Variants in KIRREL3 observed in about 807,000 individuals in gnomAD.
KIRREL3 encodes the protein kin of IRRE-like protein 3.
A neutral mutation model predicts 89.7 loss-of-function variants in KIRREL3; 36 were observed. That is an observed-to-expected ratio of 0.40 (90% CI 0.31 to 0.53). The LOEUF (loss-of-function observed/expected upper bound fraction) is 0.53, where lower values mean the gene tolerates loss of function less well. KIRREL3 is among the 20% of genes least tolerant of loss of function. KIRREL3 has a pLI of 0.49. For missense variants in KIRREL3, 864 were observed against 1,056.6 expected, an observed-to-expected ratio of 0.82 and a Z score of 2.53; for synonymous variants, 445 against 441.4, an observed-to-expected ratio of 1.01 and a Z score of -0.10.
intron 1 of KIRREL3, among the ~76,000 whole-genome samples, chr11:126,577,592 C>CAAAAAA (rs61210940): frequency 1.7e-5 from 2 of 115,970 alleles, no homozygotes; most frequent in African/African-American, 3.4e-5. Context: ...ACTAAAAATA[C>CAAAAAA]AAAAAAAAAA....
rs766842175 is a variant in KIRREL3, at chr11:126,424,602, C to T, written c.2315G>A (p.Arg772Gln). Residue 772 changes from arginine (R) to glutamine (Q), a missense_variant, in exon 17 of 17, where the codon CGG (arginine) becomes CAG (glutamine). Physicochemically the swap from Arg to Gln is conservative, Grantham distance 43. Transcript: ENST00000525144. ...QNSDPSRPLQ[R>Q]RMQTHV ...TCCTTAGACGTGAGTCTGCATCCGC[C>T]GCTGCAGGGGTCGACTGGGGTCAGA... is the stretch of plus-strand genomic sequence containing the variant. 17 of 1,613,844 alleles carry T rather than the reference C, an allele frequency of 1.1e-5. No homozygotes were observed. Among genetic ancestry groups the T allele is most frequent in the Admixed American group, 5.0e-5 (3 of 60,000 alleles).
rs939373815 is a variant in KIRREL3 at position 126,588,000 on chromosome 11, G to T, written c.56-25088C>A. ...CTGGAAGACTCAGATCTAGGGCTCG[G>T]GGGAAAGCATTGGGCCATGAGGTAG... On this transcript the variant is annotated intron_variant, in intron 1 of 16. Coordinates refer to ENST00000525144, the MANE Select transcript of KIRREL3 (RefSeq NM_032531.4). This position sits in a 1 kb window ranked among gnomAD's most constrained non-coding sequence, Gnocchi z 5.2. 6.6e-6 allele frequency among the ~76,000 whole-genome samples: 1 copy of T among 152,184 alleles called. No homozygotes were observed. The highest frequency in any genetic ancestry group is 1.5e-5 in the Non-Finnish European group (1 of 68,042).
In KIRREL3 at chr11:126,515,148, G is replaced by A. The variant is rs922648742; in HGVS notation, c.433+6167C>T. On this transcript the variant is annotated intron_variant, in intron 4 of 16. Coordinates refer to ENST00000525144, the MANE Select transcript of KIRREL3 (RefSeq NM_032531.4). This position sits in a 1 kb window ranked among gnomAD's most constrained non-coding sequence, Gnocchi z 4.2. ...ATCAAGGTGCATAAGGAGGCTGGGC[G>A]CGATGGCTCACGCCTGTAATCTCAG... Among the ~76,000 whole-genome samples, 3 of 152,172 alleles carry A rather than the reference G, an allele frequency of 2.0e-5. No homozygotes were observed. The highest frequency in any genetic ancestry group is 1.9e-4 in the East Asian group (1 of 5,190).
intron 1 of KIRREL3, among the ~76,000 whole-genome samples, chr11:126,775,249 G>A (rs576122364): frequency 2.0e-5 from 3 of 152,180 alleles, no homozygotes; most frequent in Non-Finnish European, 4.4e-5. Flanking sequence ...TTAAGGAGTT[G>A]ATCGATTTAA....
At chr11:126,514,849 CAACACAACACAACACAACAA>C (rs142085218) in intron 4 of KIRREL3, among the ~76,000 whole-genome samples, 21,518 of 148,646 alleles carry the variant, frequency 0.14, 1,612 homozygotes, top group Admixed American at 0.17. Flanking sequence ...CAACACAACA[CAACACAACACAACACAACAA>C]AACACAATTG....
rs1010298978 is a variant in KIRREL3, at chr11:126,991,388, G to A, written c.55+9067C>T. Among the ~76,000 whole-genome samples the A allele has an allele frequency of 5.3e-5, 8 of 152,108 alleles. No individual in the cohort carries two copies. Among genetic ancestry groups the A allele is most frequent in the African/African-American group, 1.9e-4 (8 of 41,404 alleles). On this transcript the variant is annotated intron_variant, in intron 1 of 16. Transcript: ENST00000525144. The surrounding 1 kb of genome is among the most constrained non-coding windows in gnomAD (Gnocchi z 5.8). ...CAGCCTTCTATGTGCCCAATAGTGT[G>A]CTAGACACCAGGGGTGATAAAAGAC...
rs1948620954 is a variant in KIRREL3, at chr11:126,946,403, C to T, written c.55+54052G>A. Among the ~76,000 whole-genome samples the T allele has an allele frequency of 6.6e-6, 1 of 152,144 alleles. No homozygotes were observed. The highest frequency in any genetic ancestry group is 1.5e-5 in the Non-Finnish European group (1 of 68,028). On this transcript the variant is annotated intron_variant, in intron 1 of 16. Transcript: ENST00000525144. The surrounding 1 kb of genome is among the most constrained non-coding windows in gnomAD (Gnocchi z 4.1). ...CATTGGATCACCTTACTCAAACCAC[C>T]TTGGCCTCAGCTTCTTCATTAATAA...
At chr11:126,833,674 G>A (rs907868720) in intron 1 of KIRREL3, among the ~76,000 whole-genome samples, 7 of 152,128 alleles carry the variant, frequency 4.6e-5, no homozygotes, top group African/African-American at 1.4e-4. Flanking sequence ...TTTAGCCCCC[G>A]AGTGCTGCAT....
At chr11:126,821,607 A>G (rs920546967) in intron 1 of KIRREL3, among the ~76,000 whole-genome samples, 12 of 151,956 alleles carry the variant, frequency 7.9e-5, no homozygotes, top group Non-Finnish European at 1.0e-4. Flanking sequence ...GAATGTGTGA[A>G]TGTGAATGTG....
At chr11:126,518,692 C>A (rs1958493879) in intron 4 of KIRREL3, among the ~76,000 whole-genome samples, 1 of 152,234 alleles carries the variant, frequency 6.6e-6, no homozygotes, top group Non-Finnish European at 1.5e-5. Flanking sequence ...AGCAGAAATA[C>A]CTCTCTCCCA....
At chr11:126,757,825 T>G (rs975789579) in intron 1 of KIRREL3, among the ~76,000 whole-genome samples, 3 of 152,124 alleles carry the variant, frequency 2.0e-5, no homozygotes, top group Non-Finnish European at 2.9e-5. Flanking sequence ...TAGTCAAGGA[T>G]CTCCACCTCT....
At chr11:126,500,171 G>A (rs1454579130) in intron 4 of KIRREL3, among the ~76,000 whole-genome samples, 1 of 152,216 alleles carries the variant, frequency 6.6e-6, no homozygotes, top group African/African-American at 2.4e-5. Flanking sequence ...GTCGGAGTAC[G>A]ATTAGGTGGA....
rs1463562475 is a variant in KIRREL3 at position 126,489,663 on chromosome 11, C to T, written c.434-16197G>A. Reference sequence around the variant, plus strand: ...TCCTGAGACCTTGGACGTGCCCCTTCCCCTCTGCATTCCCCACTCTCCACC... The same window carrying T: ...TCCTGAGACCTTGGACGTGCCCCTTTCCCTCTGCATTCCCCACTCTCCACC... On this transcript the variant is annotated intron_variant, in intron 4 of 16. Transcript: ENST00000525144. The surrounding 1 kb of genome is among the most constrained non-coding windows in gnomAD (Gnocchi z 5.5). Among the ~76,000 whole-genome samples, 2 of 152,118 alleles carry T rather than the reference C, an allele frequency of 1.3e-5. No individual in the cohort carries two copies. The highest frequency in any genetic ancestry group is 2.9e-5 in the Non-Finnish European group (2 of 68,018).
rs747711613 is a variant in KIRREL3, at chr11:126,987,531, G to A, written c.55+12924C>T. On this transcript the variant is annotated intron_variant, in intron 1 of 16. Coordinates refer to ENST00000525144, the MANE Select transcript of KIRREL3 (RefSeq NM_032531.4). This position sits in a 1 kb window ranked among gnomAD's most constrained non-coding sequence, Gnocchi z 4.6. The stretch of plus-strand genomic sequence containing the variant: ...GTATTCAGCTGTTTTCACCTGTAAA[G>A]TATGGATTTCTCTCTGCAAAAACCT... Among the ~76,000 whole-genome samples, 5 of 152,148 alleles carry A rather than the reference G, an allele frequency of 3.3e-5. No individual in the cohort carries two copies. The highest frequency in any genetic ancestry group is 1.2e-4 in the African/African-American group (5 of 41,426).
At position 126,796,438 on chromosome 11, in the gene KIRREL3, C is replaced by G. The variant is rs539517950; in HGVS notation, c.55+204017G>C. 6.6e-6 allele frequency among the ~76,000 whole-genome samples: 1 copy of G among 152,052 alleles called. No individual in the cohort carries two copies. The highest frequency in any genetic ancestry group is 1.5e-5 in the Non-Finnish European group (1 of 68,014). On this transcript the variant is annotated intron_variant, in intron 1 of 16. Transcript: ENST00000525144. The surrounding 1 kb of genome is among the most constrained non-coding windows in gnomAD (Gnocchi z 5.1). ...TGGAGGAAGGCTGAAGGAGGGGACG[C>G]GCAGTTGTGGGTAACTGGCCTTCAC...
rs569346289 is a variant in KIRREL3, at chr11:126,516,935, G to C, written c.433+4380C>G. On this transcript the variant is annotated intron_variant, in intron 4 of 16. Transcript: ENST00000525144. The surrounding 1 kb of genome is among the most constrained non-coding windows in gnomAD (Gnocchi z 4.9). Reference sequence around the variant, plus strand: ...TGGCTAAAAATACAAAAATTAGCCAGGCGTGGTGGCACGTGCCTGTAATCC... The same window carrying C: ...TGGCTAAAAATACAAAAATTAGCCACGCGTGGTGGCACGTGCCTGTAATCC... 6.6e-6 allele frequency among the ~76,000 whole-genome samples: 1 copy of C among 152,262 alleles called. No individual in the cohort carries two copies. The highest frequency in any genetic ancestry group is 6.5e-5 in the Admixed American group (1 of 15,288).
Position 126,703,643 on chromosome 11 carries a change from A to G in KIRREL3, c.56-140731T>C, listed in dbSNP as rs1947401249. Among the ~76,000 whole-genome samples the G allele has an allele frequency of 6.6e-6, 1 of 152,232 alleles. No individual in the cohort carries two copies. The highest frequency in any genetic ancestry group is 6.5e-5 in the Admixed American group (1 of 15,290). The stretch of plus-strand genomic sequence containing the variant: ...CTAAGTTCACACTTTGTCTTCATTC[A>G]TGATACAAAAGAGATGTCTGTTTTC... On this transcript the variant is annotated intron_variant, in intron 1 of 16. Transcript: ENST00000525144. This position sits in a 1 kb window ranked among gnomAD's most constrained non-coding sequence, Gnocchi z 4.6.
rs932409048 is a variant in KIRREL3, at chr11:126,830,606, G to A, written c.55+169849C>T. On this transcript the variant is annotated intron_variant, in intron 1 of 16. Coordinates refer to ENST00000525144, the MANE Select transcript of KIRREL3 (RefSeq NM_032531.4). The surrounding 1 kb of genome is among the most constrained non-coding windows in gnomAD (Gnocchi z 4.9). ...TCTCTTAGTGTTTCGATTTTAGAGCGGCTGTTAAGAGCCAGCTAAGCAGGG... is the reference window on the plus strand; with the variant it reads ...TCTCTTAGTGTTTCGATTTTAGAGCAGCTGTTAAGAGCCAGCTAAGCAGGG... Among the ~76,000 whole-genome samples, 2 of 152,140 alleles carry A rather than the reference G, an allele frequency of 1.3e-5. No homozygotes were observed. The highest frequency in any genetic ancestry group is 1.9e-4 in the East Asian group (1 of 5,198).
chr11:126,623,982 T>G lies in KIRREL3; in HGVS notation c.56-61070A>C, dbSNP rs1311007030. On this transcript the variant is annotated intron_variant, in intron 1 of 16. Coordinates refer to ENST00000525144, the MANE Select transcript of KIRREL3 (RefSeq NM_032531.4). The surrounding 1 kb of genome is among the most constrained non-coding windows in gnomAD (Gnocchi z 4.1). ...ATTACCCTTGAACTGGTCAGAAAGA[T>G]CCAACAGCTCAGACAAGGAGAAGGG... Among the ~76,000 whole-genome samples, 1 of 152,126 alleles carries G rather than the reference T, an allele frequency of 6.6e-6. No individual in the cohort carries two copies. Among genetic ancestry groups the G allele is most frequent in the East Asian group, 1.9e-4 (1 of 5,190 alleles).
Sources: gnomAD v4.1 joint callset for allele counts (sites outside exome capture counted in the v4.1 genomes callset) on GRCh38, gnomAD v4.1.1 for gene constraint, Gnocchi (gnomAD v3.1) non-coding constraint, MANE v1.5 for transcripts, NCBI Gene and HGNC (gene_info 2026-07-23, HGNC 2026-07-21) for gene names.